Variants in ARGLU1 observed in about 807,000 individuals in gnomAD.
The protein encoded by ARGLU1 is arginine and glutamate rich 1, also known as arginine and glutamate-rich protein 1.
Under a neutral mutation model 37.6 loss-of-function variants are expected in ARGLU1, and 9 were observed. The observed-to-expected ratio is 0.24, with a 90% CI of 0.14 to 0.42. The LOEUF is 0.42. ARGLU1 is among the 10% of genes least tolerant of loss of function. The probability of loss-of-function intolerance (pLI) is 1.00; values close to 1 mark genes in which losing one functional copy is unlikely to be tolerated. For synonymous variants in ARGLU1, 166 were observed against 138.5 expected (o/e 1.20, Z -1.39); for missense variants, 211 against 359.2 (o/e 0.59, Z 3.34).
chr13:106,568,051 A>T lies in ARGLU1; in HGVS notation c.-132T>A. ...AGAAAGGTGTCGGCCAACGGACTTT[A>T]TGCCTTTTCCCGGCGTCTACAGCTG... On this transcript the variant is annotated 5_prime_UTR_variant, in exon 1 of 4. Coordinates refer to ENST00000400198, the MANE Select transcript of ARGLU1 (RefSeq NM_018011.4). 2 of 1,358,670 alleles carry T rather than the reference A, an allele frequency of 1.5e-6. No homozygotes were observed. Among genetic ancestry groups the T allele is most frequent in the South Asian group, 3.1e-5 (2 of 64,178 alleles). 84.2% of individuals were successfully genotyped at this position (1,358,670 alleles called of 1,614,324 possible).
At chr13:106,559,826 A>C (rs1435654365) in intron 1 of ARGLU1, among the ~76,000 whole-genome samples, 169 bp from the exon 2 acceptor site, 1 of 152,238 alleles carries the variant, frequency 6.6e-6, no homozygotes, top group Admixed American at 6.5e-5. Flanking sequence ...CAAGATGTTA[A>C]CTGATACAGA....
rs1881025788 is a variant in ARGLU1 at position 106,568,015 on chromosome 13, G to C, written c.-96C>G. ...GGACGCGGGCTGGCGGTTCTACCGA[G>C]GCCGGAGGAAAGAAAGGTGTCGGCC... On this transcript the variant is annotated 5_prime_UTR_variant, in exon 1 of 4. Transcript: ENST00000400198. 1.4e-6 allele frequency: 2 copies of C among 1,471,856 alleles called. No individual in the cohort carries two copies. The highest frequency in any genetic ancestry group is 1.5e-5 in the African/African-American group (1 of 68,514). 91.2% of individuals were successfully genotyped at this position (1,471,856 alleles called of 1,614,324 possible).
At chr13:106,564,501 A>G (rs1253171174) in intron 1 of ARGLU1, among the ~76,000 whole-genome samples, 1 of 152,220 alleles carries the variant, frequency 6.6e-6, no homozygotes, top group Non-Finnish European at 1.5e-5. Flanking sequence ...TTCTTATTTT[A>G]CGGTCTCTTT....
At position 106,558,365 on chromosome 13, in the gene ARGLU1, C is replaced by T. The variant is rs554796333; in HGVS notation, c.573+1067G>A. The T allele has an allele frequency of 5.1e-6, 5 of 985,128 alleles. No homozygotes were observed. The African/African-American group carries it at 8.7e-5, about 17-fold the overall frequency. The allele number at this position is 985,128 out of a possible 1,614,324, so 61.0% of individuals were successfully genotyped here. ...AATGCATTTTAAAAGCTAAGCTTAC[C>T]AGAAAGCAAAGAGATTTAATATGTC... On this transcript the variant is annotated intron_variant, in intron 2 of 3. Transcript: ENST00000400198.
intron 2 of ARGLU1, chr13:106,558,013 T>A: frequency 2.0e-6 from 2 of 985,366 alleles, no homozygotes; most frequent in Non-Finnish European, 2.4e-6. Context: ...GATTTTATAA[T>A]GCAAACTGTA....
Position 106,543,205 on chromosome 13 carries a change from C to T in ARGLU1, c.*791G>A, listed in dbSNP as rs1880304821. On this transcript the variant is annotated 3_prime_UTR_variant, in exon 4 of 4. Transcript: ENST00000400198. The stretch of plus-strand genomic sequence containing the variant: ...AAGTATATTTAATGTACATATAAAC[C>T]CTATGTTAAAAGTATAAACAAGAGG... 6.6e-6 allele frequency: 1 copy of T among 152,216 alleles called. No homozygotes were observed. The highest frequency in any genetic ancestry group is 2.4e-5 in the African/African-American group (1 of 41,324). The allele number at this position is 152,216 out of a possible 1,614,324, so 9.4% of individuals were successfully genotyped here. A position where few individuals can be genotyped will look rare whatever the true frequency, so the allele number is the denominator to read the frequency against.
chr13:106,551,566 C>T (rs1359547164), intron 3 of ARGLU1, among the ~76,000 whole-genome samples: 1 of 152,200 alleles, frequency 6.6e-6, no homozygotes, highest in Non-Finnish European at 1.5e-5. Flanking sequence ...TCCAAAACCA[C>T]TTCCACATTT....
At chr13:106,555,129 G>A (rs1004209781) in intron 3 of ARGLU1, among the ~76,000 whole-genome samples, 20 of 151,952 alleles carry the variant, frequency 1.3e-4, no homozygotes, top group Admixed American at 2.6e-4. Context: ...AAGCCAAGGC[G>A]GGTGGATCAC....
chr13:106,560,237 C>T (rs1416831244), intron 1 of ARGLU1, among the ~76,000 whole-genome samples: 3 of 152,108 alleles, frequency 2.0e-5, no homozygotes, highest in East Asian at 1.9e-4. Context: ...CTTACTATGT[C>T]TTTTCTTCCT....
intron 1 of ARGLU1, among the ~76,000 whole-genome samples, chr13:106,564,765 G>C (rs1880914123): frequency 6.6e-6 from 1 of 152,130 alleles, no homozygotes; most frequent in Admixed American, 6.5e-5. Context: ...ATCAAGTCTG[G>C]ATAAACTCAG....
At chr13:106,566,820 C>T (rs1566476849) in intron 1 of ARGLU1, among the ~76,000 whole-genome samples, 1 of 152,048 alleles carries the variant, frequency 6.6e-6, no homozygotes, top group South Asian at 2.1e-4. Flanking sequence ...CAAAACTGCA[C>T]GTGTTTGCTA....
At chr13:106,562,612 G>A (rs933108933) in intron 1 of ARGLU1, among the ~76,000 whole-genome samples, 5 of 152,002 alleles carry the variant, frequency 3.3e-5, no homozygotes, top group East Asian at 1.9e-4. Context: ...TTATACTGAC[G>A]AAAGCATTAA....
intron 3 of ARGLU1, among the ~76,000 whole-genome samples, chr13:106,555,183 C>A (rs1009276170): frequency 4.6e-5 from 7 of 151,970 alleles, no homozygotes; most frequent in African/African-American, 1.7e-4. Flanking sequence ...CATGGTAAAA[C>A]CCCATCTCTA....
chr13:106,557,458 T>A lies in ARGLU1; in HGVS notation c.574-327A>T. ...TATTTACCAAATTAAAAAAATAATA[T>A]ATAAAATATAAATAAAGTGAATATT... On this transcript the variant is annotated intron_variant, in intron 2 of 3. Coordinates refer to ENST00000400198, the MANE Select transcript of ARGLU1 (RefSeq NM_018011.4). This position sits in a 1 kb window ranked among gnomAD's most constrained non-coding sequence, Gnocchi z 5.0. 1 of 905,888 alleles carries A rather than the reference T, an allele frequency of 1.1e-6. No individual in the cohort carries two copies. The highest frequency in any genetic ancestry group is 3.7e-5 in the South Asian group (1 of 26,978). The allele number at this position is 905,888 out of a possible 1,614,324, so 56.1% of individuals were successfully genotyped here.
At chr13:106,544,771 A>C (rs3783057) in intron 3 of ARGLU1, among the ~76,000 whole-genome samples, 48,133 of 152,030 alleles carry the variant, frequency 0.32, 7,947 homozygotes, top group African/African-American at 0.4. Context: ...ATGCTGAAAA[A>C]AAAGGGACTA....
chr13:106,566,190 A>C (rs1426996600), intron 1 of ARGLU1, among the ~76,000 whole-genome samples: 4 of 152,230 alleles, frequency 2.6e-5, no homozygotes, highest in African/African-American at 9.6e-5. Flanking sequence ...TGACAGTTCT[A>C]AGTACAGGAA....
At chr13:106,545,381 T>C (rs1163706662) in intron 3 of ARGLU1, among the ~76,000 whole-genome samples, 2 of 152,220 alleles carry the variant, frequency 1.3e-5, no homozygotes, top group Admixed American at 6.5e-5. Flanking sequence ...TTTTAGGTCA[T>C]TGATTCCATC....
chr13:106,558,966 T>C (rs1388353167), intron 2 of ARGLU1: 1 of 985,414 alleles, frequency 1.0e-6, no homozygotes, highest in Admixed American at 6.1e-5. Context: ...AACCTATTTA[T>C]CAAAGCAGGT....
In ARGLU1 at chr13:106,543,963, AT is replaced by A; in HGVS notation, c.*32del. 1 of 1,553,466 alleles carries A rather than the reference AT, an allele frequency of 6.4e-7. No homozygotes were observed. Among genetic ancestry groups the A allele is most frequent in the Admixed American group, 2.3e-5 (1 of 43,912 alleles). ...TGAAGCTACCATACAAAGTTTTTCCATTTTTCTTTGTAAAAAGTTCAGAGTT... is the reference window on the plus strand; with the variant it reads ...TGAAGCTACCATACAAAGTTTTTCCATTTTCTTTGTAAAAAGTTCAGAGTT... On this transcript the variant is annotated 3_prime_UTR_variant, in exon 4 of 4. Transcript: ENST00000400198.
Sources: gnomAD v4.1 joint callset for allele counts (sites outside exome capture counted in the v4.1 genomes callset) on GRCh38, gnomAD v4.1.1 for gene constraint, Gnocchi (gnomAD v3.1) non-coding constraint, MANE v1.5 for transcripts, NCBI Gene and HGNC (gene_info 2026-07-23, HGNC 2026-07-21) for gene names.